LAMA2: variants seen among roughly 807,000 people sequenced by gnomAD.
The protein encoded by LAMA2 is laminin subunit alpha-2.
A neutral mutation model predicts 364.8 loss-of-function variants in LAMA2; 269 were observed. The observed-to-expected ratio is 0.74, with a 90% CI of 0.67 to 0.82. The LOEUF is 0.82. Among genes scored for constraint, LAMA2 ranks in the 40% least tolerant of loss-of-function variants. The probability of loss-of-function intolerance (pLI) is 0.00; values close to 1 mark genes in which losing one functional copy is unlikely to be tolerated. For synonymous variants in LAMA2, 1,379 were observed against 1,370.6 expected (o/e 1.01, Z -0.14); for missense variants, 3,807 against 3,873.2 (o/e 0.98, Z 0.45).
In LAMA2 at chr6:129,066,038, G is replaced by GTTTTTTTTTTTTTTTTTTTTTTT. The variant is rs544271722; in HGVS notation, c.396+6145_396+6167dup. Reference sequence around the variant, plus strand: ...TCTTTTGTAAATTGCCCAGTCTCAGGTTTTTTTTTTTTTTTTTTTTTTTTT... The same window carrying GTTTTTTTTTTTTTTTTTTTTTTT: ...TCTTTTGTAAATTGCCCAGTCTCAGGTTTTTTTTTTTTTTTTTTTTTTTTTTTTTTTTTTTTTTTTTTTTTTTT... On this transcript the variant is annotated intron_variant, in intron 3 of 64. Transcript: ENST00000421865. Among the ~76,000 whole-genome samples the GTTTTTTTTTTTTTTTTTTTTTTT allele has an allele frequency of 1.1e-4, 4 of 37,116 alleles. 1 individual carries two copies. The highest frequency in any genetic ancestry group is 3.4e-4 in the African/African-American group (4 of 11,702). The allele number at this position is 37,116 out of a possible 152,430, so 24.3% of individuals were successfully genotyped here. A position where few individuals can be genotyped will look rare whatever the true frequency, so the allele number is the denominator to read the frequency against.
At chr6:129,013,104 G>T (rs1055798371) in intron 1 of LAMA2, among the ~76,000 whole-genome samples, 2 of 152,208 alleles carry the variant, frequency 1.3e-5, no homozygotes, top group African/African-American at 4.8e-5. Flanking sequence ...ATTTGAAGCA[G>T]TCTTTCAGCT....
At chr6:129,214,649 T>G (rs1454329271) in intron 12 of LAMA2, among the ~76,000 whole-genome samples, 2 of 152,210 alleles carry the variant, frequency 1.3e-5, no homozygotes, top group African/African-American at 4.8e-5. Flanking sequence ...GTGACTTTTT[T>G]CTGACCAGTA....
chr6:129,475,022 T>G (rs1298810326), intron 52 of LAMA2, among the ~76,000 whole-genome samples: 4 of 152,274 alleles, frequency 2.6e-5, no homozygotes, highest in African/African-American at 9.6e-5. Flanking sequence ...CATGCATTGT[T>G]AAGCTCAAGC....
chr6:129,507,482 T>C lies in LAMA2; in HGVS notation c.8704-7T>C. ...TGACATTTGTTTCTTCTGATCTGAA[T>C]GTTTAGGTGACCTATAGCATTGATG... On this transcript the variant is annotated splice_region_variant and splice_polypyrimidine_tract_variant and intron_variant, in intron 61 of 64. Transcript: ENST00000421865. 6.2e-7 allele frequency: 1 copy of C among 1,614,114 alleles called. No individual in the cohort carries two copies. The highest frequency in any genetic ancestry group is 8.5e-7 in the Non-Finnish European group (1 of 1,179,954).
chr6:129,061,266 C>T (rs1410191098), intron 3 of LAMA2, among the ~76,000 whole-genome samples: 1 of 152,172 alleles, frequency 6.6e-6, no homozygotes, highest in Non-Finnish European at 1.5e-5. Context: ...TGCATTGACT[C>T]AGGTCATCTC....
intron 28 of LAMA2, among the ~76,000 whole-genome samples, chr6:129,326,948 A>G (rs1007371590): frequency 1.3e-5 from 2 of 151,364 alleles, no homozygotes; most frequent in Non-Finnish European, 2.9e-5. Flanking sequence ...TAATTCTTCA[A>G]CCATCATTTC....
intron 1 of LAMA2, among the ~76,000 whole-genome samples, chr6:128,920,081 T>C (rs1304403777): frequency 6.6e-6 from 1 of 152,198 alleles, no homozygotes; most frequent in Non-Finnish European, 1.5e-5. Flanking sequence ...TCAAAGCCTG[T>C]GCCCATAATG....
rs117720810 is a variant in LAMA2 at position 129,182,102 on chromosome 6, A to G, written c.1467+4236A>G. On this transcript the variant is annotated intron_variant, in intron 10 of 64. Transcript: ENST00000421865. ...TTCTATATGTCAGTGACAAGCAAAT[A>G]AAAAATGTAATAAAAATACTTAGAA... Among the ~76,000 whole-genome samples the G allele has an allele frequency of 9.6e-3, 1,466 of 151,988 alleles. 10 individuals are homozygous for G. Among genetic ancestry groups the G allele is most frequent in the Non-Finnish European group, 0.014 (947 of 67,850 alleles).
At chr6:128,913,035 G>A (rs1778087049) in intron 1 of LAMA2, among the ~76,000 whole-genome samples, 1 of 152,130 alleles carries the variant, frequency 6.6e-6, no homozygotes, top group Non-Finnish European at 1.5e-5. Context: ...GTTTAGATTT[G>A]CTTTAATAAA....
At chr6:128,970,408 C>T (rs1275587394) in intron 1 of LAMA2, among the ~76,000 whole-genome samples, 1 of 152,114 alleles carries the variant, frequency 6.6e-6, no homozygotes, top group Non-Finnish European at 1.5e-5. Flanking sequence ...ATATGACCTA[C>T]GAATGTTAAG....
At chr6:129,396,025 T>C (rs1779597368) in intron 37 of LAMA2, among the ~76,000 whole-genome samples, 1 of 152,206 alleles carries the variant, frequency 6.6e-6, no homozygotes, top group Admixed American at 6.5e-5. Flanking sequence ...GTTTTTATCC[T>C]GAGAGCCATA....
chr6:129,124,245 G>A (rs1776977947), intron 4 of LAMA2, among the ~76,000 whole-genome samples: 1 of 152,158 alleles, frequency 6.6e-6, no homozygotes, highest in Non-Finnish European at 1.5e-5. Flanking sequence ...GAAACCAGGT[G>A]CACAGACCAT....
At chr6:129,391,886 G>A (rs1177059113) in intron 36 of LAMA2, among the ~76,000 whole-genome samples, 1 of 151,980 alleles carries the variant, frequency 6.6e-6, no homozygotes, top group Non-Finnish European at 1.5e-5. Context: ...GTTCCAAAAT[G>A]AATCAAAAGC....
intron 1 of LAMA2, among the ~76,000 whole-genome samples, chr6:129,039,209 T>C (rs1045493869): frequency 6.6e-6 from 1 of 152,074 alleles, no homozygotes; most frequent in African/African-American, 2.4e-5. Context: ...CAGAAAATTC[T>C]GTGTGGCAAA....
chr6:129,244,160 A>G (rs576554713), intron 12 of LAMA2, among the ~76,000 whole-genome samples: 117 of 152,206 alleles, frequency 7.7e-4, no homozygotes, highest in African/African-American at 2.7e-3. Flanking sequence ...AAAACCTCTC[A>G]TGTAAATTCT....
At chr6:129,414,638 A>G (rs1393917095) in intron 40 of LAMA2, among the ~76,000 whole-genome samples, 2 of 152,276 alleles carry the variant, frequency 1.3e-5, no homozygotes, top group African/African-American at 4.8e-5. Context: ...TAATAAAGAA[A>G]ATAGGTCTAA....
chr6:129,386,441 T>C (rs1335742182), intron 35 of LAMA2, among the ~76,000 whole-genome samples: 1 of 151,822 alleles, frequency 6.6e-6, no homozygotes, highest in African/African-American at 2.4e-5. Flanking sequence ...CCTTTTTTGG[T>C]GGGGGAGATT....
intron 56 of LAMA2, among the ~76,000 whole-genome samples, chr6:129,491,333 A>C (rs1784850857): frequency 6.6e-6 from 1 of 152,218 alleles, no homozygotes; most frequent in Non-Finnish European, 1.5e-5. Flanking sequence ...GCAAATTAGG[A>C]AAATTAATGA....
Position 129,481,278 on chromosome 6 carries a change from A to C in LAMA2, c.7588A>C (p.Ser2530Arg). 5.6e-6 allele frequency: 9 copies of C among 1,613,694 alleles called. No individual in the cohort carries two copies. The highest frequency in any genetic ancestry group is 7.6e-6 in the Non-Finnish European group (9 of 1,179,692). ...TTACTCACAGAATGTTTACACAGTT[A>C]GCTTTCCTAAGCCTGGTTTTGTGGA... ...GCSLENVYTV[S>R]FPKPGFVELS... is the part of the protein sequence containing the mutation. The change falls in exon 55 of 65, where the codon AGC becomes CGC. Residue 2530 changes from serine to arginine, a missense_variant. Around this residue, in one of 3 missense-constraint regions of LAMA2, gnomAD observed 3,333 missense variants for 3,345.7 expected, o/e 1.00. Coordinates refer to ENST00000421865, the MANE Select transcript of LAMA2 (RefSeq NM_000426.4).
Sources: gnomAD v4.1 joint callset for allele counts (sites outside exome capture counted in the v4.1 genomes callset) on GRCh38, gnomAD v4.1.1 for gene constraint, gnomAD v4.1.1 regional missense constraint, MANE v1.5 for transcripts, NCBI Gene and HGNC (gene_info 2026-07-23, HGNC 2026-07-21) for gene names.